ADARB2: variants seen among roughly 807,000 people sequenced by gnomAD.
ADARB2 encodes the protein inactive double-stranded RNA-specific editase B2.
In ADARB2, 25 loss-of-function variants were observed where a neutral mutation model predicts 62.2. The observed-to-expected ratio is 0.40, with a 90% CI of 0.29 to 0.56. The LOEUF is 0.56. Among genes scored for constraint, ADARB2 ranks in the 20% least tolerant of loss-of-function variants. The pLI, the probability that ADARB2 is intolerant of heterozygous loss-of-function variation, is 0.43. For missense variants in ADARB2, 1,071 were observed against 1,077.4 expected, an observed-to-expected ratio of 0.99 and a Z score of 0.08; for synonymous variants, 572 against 500.8, an observed-to-expected ratio of 1.14 and a Z score of -1.90.
intron 7 of ADARB2, among the ~76,000 whole-genome samples, chr10:1,202,047 A>C (rs1309107111): frequency 6.6e-6 from 1 of 151,926 alleles, no homozygotes; most frequent in East Asian, 1.9e-4. Flanking sequence ...CTGGGAAAGG[A>C]GATTTTTTGT....
chr10:1,278,633 C>T (rs910370339), intron 3 of ADARB2, among the ~76,000 whole-genome samples: 2 of 151,538 alleles, frequency 1.3e-5, no homozygotes, highest in African/African-American at 4.8e-5. Context: ...GCCTGTTTCT[C>T]AATCCATTAT....
chr10:1,295,506 G>A (rs1213342667), intron 3 of ADARB2, among the ~76,000 whole-genome samples: 4 of 152,178 alleles, frequency 2.6e-5, no homozygotes, highest in Non-Finnish European at 5.9e-5. Context: ...TTAGGAGAAA[G>A]AGTACAACGG....
At chr10:1,622,788 A>G (rs946305547) in intron 1 of ADARB2, among the ~76,000 whole-genome samples, 1 of 152,220 alleles carries the variant, frequency 6.6e-6, no homozygotes, top group Non-Finnish European at 1.5e-5. Flanking sequence ...ATAGCTAAAC[A>G]TATACCCGCC....
rs577127883 is a variant in ADARB2, at chr10:1,347,690, G to A, written c.1077+15338C>T. 3.9e-5 allele frequency among the ~76,000 whole-genome samples: 6 copies of A among 152,302 alleles called. No homozygotes were observed. The South Asian group carries it at 1.2e-3, about 32-fold the overall frequency. On this transcript the variant is annotated intron_variant, in intron 3 of 9. Transcript: ENST00000381312. ...CCACGGGTGCCTCGACCCGGCTGGT[G>A]CACAAGGAGCACAGCCATCAACGCC...
At chr10:1,314,425 T>G (rs1343817316) in intron 3 of ADARB2, among the ~76,000 whole-genome samples, 4 of 150,210 alleles carry the variant, frequency 2.7e-5, no homozygotes, top group African/African-American at 9.9e-5. Context: ...CTCCCTGGTC[T>G]GCCCCTGCAG....
rs917427178 is a variant in ADARB2, at chr10:1,225,313, C to A, written c.1514-8194G>T. On this transcript the variant is annotated intron_variant, in intron 6 of 9. Coordinates refer to ENST00000381312, the MANE Select transcript of ADARB2 (RefSeq NM_018702.4). ...TTTGAGCCTATGTGTGTCTCTGCAG[C>A]TGAGATGGGTTTCCTGAATACAGCA... is the stretch of plus-strand genomic sequence containing the variant. Among the ~76,000 whole-genome samples the A allele has an allele frequency of 3.3e-5, 5 of 151,638 alleles. No individual in the cohort carries two copies. In the East Asian group the frequency reaches 5.8e-4, roughly 18 times the overall value.
intron 1 of ADARB2, among the ~76,000 whole-genome samples, chr10:1,537,632 A>G (rs1291857329): frequency 6.6e-6 from 1 of 152,250 alleles, no homozygotes; most frequent in Non-Finnish European, 1.5e-5. Flanking sequence ...CTATGCAGCC[A>G]TAAAAAGGAA....
chr10:1,204,476 C>T (rs114238702), intron 7 of ADARB2, among the ~76,000 whole-genome samples: 2,607 of 152,360 alleles, frequency 0.017, 32 homozygotes, highest in Middle Eastern at 0.041. Flanking sequence ...TATTGACACC[C>T]TGGCCTGCCT....
chr10:1,184,440 G>A (rs934781987), intron 9 of ADARB2, among the ~76,000 whole-genome samples: 2 of 152,170 alleles, frequency 1.3e-5, no homozygotes, highest in African/African-American at 4.8e-5. Flanking sequence ...GGAGAAATTC[G>A]AATTCTGAAA....
intron 1 of ADARB2, among the ~76,000 whole-genome samples, chr10:1,545,838 C>T (rs72764957): frequency 0.011 from 1,657 of 152,266 alleles, 13 homozygotes; most frequent in Non-Finnish European, 0.018. Context: ...GCAGAACGGC[C>T]AGTGCTAGTG....
chr10:1,408,944 C>T (rs916527719), intron 1 of ADARB2, among the ~76,000 whole-genome samples: 3 of 152,156 alleles, frequency 2.0e-5, no homozygotes, highest in African/African-American at 7.2e-5. Context: ...CTGGGCTGGC[C>T]GGGTTGTGTT....
intron 2 of ADARB2, among the ~76,000 whole-genome samples, chr10:1,367,296 G>A (rs1588234310): frequency 6.6e-6 from 1 of 152,192 alleles, no homozygotes; most frequent in African/African-American, 2.4e-5. Flanking sequence ...AGTGCTCTCT[G>A]TTTGCTAAAA....
chr10:1,489,032 C>T (rs1160434614), intron 1 of ADARB2, among the ~76,000 whole-genome samples: 3 of 152,252 alleles, frequency 2.0e-5, no homozygotes, highest in Admixed American at 6.5e-5. Flanking sequence ...TGGCCGGGTG[C>T]CAGCAAGCGC....
chr10:1,529,943 C>CCCGCCACCGCAGGCACCCATTT (rs1832204362), intron 1 of ADARB2, among the ~76,000 whole-genome samples: 1 of 151,310 alleles, frequency 6.6e-6, no homozygotes, highest in African/African-American at 2.4e-5. Flanking sequence ...GGGACCCATT[C>CCCGCCACCGCAGGCACCCATTT]ACTGCCCCTG....
intron 1 of ADARB2, among the ~76,000 whole-genome samples, chr10:1,444,153 T>C (rs1401896565): frequency 6.6e-6 from 1 of 151,508 alleles, no homozygotes; most frequent in Non-Finnish European, 1.5e-5. Flanking sequence ...CACTCATTCA[T>C]CCATCCATCC....
At chr10:1,389,787 T>A (rs1043293486) in intron 1 of ADARB2, among the ~76,000 whole-genome samples, 27 of 112,930 alleles carry the variant, frequency 2.4e-4, no homozygotes, top group African/African-American at 4.7e-4. Flanking sequence ...AAATAAATAA[T>A]AAATAAAAAA....
intron 1 of ADARB2, among the ~76,000 whole-genome samples, chr10:1,694,608 T>C (rs1241802868): frequency 6.6e-6 from 1 of 152,236 alleles, no homozygotes; most frequent in South Asian, 2.1e-4. Flanking sequence ...CTCACCTTAT[T>C]CTTGGTCAGT....
intron 1 of ADARB2, among the ~76,000 whole-genome samples, chr10:1,464,480 C>T (rs113768030): frequency 0.024 from 1,856 of 76,800 alleles, 154 homozygotes; most frequent in Middle Eastern, 0.059. Context: ...CCCCCACACA[C>T]GTGCTGGGGG....
intron 3 of ADARB2, among the ~76,000 whole-genome samples, chr10:1,277,837 T>C (rs1395266255): frequency 6.6e-6 from 1 of 152,192 alleles, no homozygotes; most frequent in Non-Finnish European, 1.5e-5. Context: ...CTGATGAACA[T>C]TGATGCAGAA....
Sources: gnomAD v4.1 joint callset for allele counts (sites outside exome capture counted in the v4.1 genomes callset) on GRCh38, gnomAD v4.1.1 for gene constraint, MANE v1.5 for transcripts, NCBI Gene and HGNC (gene_info 2026-07-23, HGNC 2026-07-21) for gene names.